The following CNGA3 variants were observed in gnomAD, a reference collection of about 807,000 sequenced individuals.
CNGA3 encodes cyclic nucleotide gated channel subunit alpha 3.
A neutral mutation model predicts 46.6 loss-of-function variants in CNGA3; 42 were observed. That is an observed-to-expected ratio of 0.90 (90% CI 0.70 to 1.17). The LOEUF (loss-of-function observed/expected upper bound fraction) is 1.17. Among genes scored for constraint, CNGA3 ranks in the 50% most tolerant of loss-of-function variants. CNGA3 has a pLI of 0.00. For synonymous variants in CNGA3, 394 were observed against 369.4 expected, an observed-to-expected ratio of 1.07 and a Z score of -0.76; for missense variants, 893 against 890.7, an observed-to-expected ratio of 1.00 and a Z score of -0.03.
chr2:98,387,727 C>A (rs923191281), intron 5 of CNGA3, among the ~76,000 whole-genome samples: 4 of 152,190 alleles, frequency 2.6e-5, no homozygotes, highest in African/African-American at 9.7e-5. Context: ...CCACTACATG[C>A]GTCACAGACC....
At chr2:98,348,184 C>A (rs1691687399) in intron 1 of CNGA3, among the ~76,000 whole-genome samples, 1 of 152,196 alleles carries the variant, frequency 6.6e-6, no homozygotes, top group African/African-American at 2.4e-5. Flanking sequence ...TCCTCTTCAG[C>A]CTCGGTTCAG....
intron 3 of CNGA3, chr2:98,379,927 T>A: frequency 1.7e-6 from 1 of 578,812 alleles, no homozygotes; most frequent in South Asian, 2.0e-5. Flanking sequence ...AGAGTGTCCC[T>A]TTCCGGGGAA....
chr2:98,385,211 T>C lies in CNGA3; in HGVS notation c.449+1770T>C, dbSNP rs189359026. 6.8e-4 allele frequency among the ~76,000 whole-genome samples: 103 copies of C among 152,238 alleles called. No homozygotes were observed. The Middle Eastern group carries it at 0.017, about 25-fold the overall frequency. ...TGCACAAGGCAAGCTGAGTCCGGCGTAAACTGCAGGGCAAAGCTCACCCAA... is the reference window on the plus strand; with the variant it reads ...TGCACAAGGCAAGCTGAGTCCGGCGCAAACTGCAGGGCAAAGCTCACCCAA... On this transcript the variant is annotated intron_variant, in intron 5 of 7. Transcript: ENST00000272602.
chr2:98,363,463 A>G lies in CNGA3; in HGVS notation c.-37-6476A>G, dbSNP rs892693735. ...TAGCTCTTTGCTTGTCTGTTGATGT[A>G]TAGGAATGCTTGTGACTTTTGTATC... On this transcript the variant is annotated intron_variant, in intron 1 of 7. Coordinates refer to ENST00000272602, the MANE Select transcript of CNGA3 (RefSeq NM_001298.3). 1.1e-4 allele frequency among the ~76,000 whole-genome samples: 16 copies of G among 152,270 alleles called. No homozygotes were observed. In the East Asian group the frequency reaches 2.3e-3, roughly 22 times the overall value.
At chr2:98,369,434 G>A (rs187316553) in intron 1 of CNGA3, among the ~76,000 whole-genome samples, 1,637 of 152,138 alleles carry the variant, frequency 0.011, 14 homozygotes, top group African/African-American at 0.03. Flanking sequence ...GAGATGAATC[G>A]TGTATTGGGT....
Position 98,370,055 on chromosome 2 carries a change from G to C in CNGA3, c.80G>C (p.Arg27Pro). 1 of 1,613,674 alleles carries C rather than the reference G, an allele frequency of 6.2e-7. No homozygotes were observed. The highest frequency in any genetic ancestry group is 8.5e-7 in the Non-Finnish European group (1 of 1,179,820). ...AAGACCTCAGACCGAGATCTCAATC[G>C]CGCTGAAAATGGCCTCAGCAGGTAA... The part of the protein sequence containing the change: ...KVKTSDRDLN[R>P]AENGLSRAHS... Residue 27 changes from arginine to proline, a missense_variant, in exon 2 of 8, where the codon CGC becomes CCC. Transcript: ENST00000272602.
At chr2:98,395,244 A>G (rs1034570587) in intron 7 of CNGA3, among the ~76,000 whole-genome samples, 9 of 151,556 alleles carry the variant, frequency 5.9e-5, no homozygotes, top group African/African-American at 1.2e-4. Flanking sequence ...ATCTTGGCTC[A>G]TTGCACCCTC....
At chr2:98,361,673 A>G (rs191613367) in intron 1 of CNGA3, among the ~76,000 whole-genome samples, 1 of 149,618 alleles carries the variant, frequency 6.7e-6, no homozygotes, top group East Asian at 2.0e-4. Flanking sequence ...CTGTTTCTCC[A>G]CAGCCCCACA....
intron 3 of CNGA3, 91 bp downstream of exon 3, chr2:98,377,891 G>T (rs1692445008): frequency 7.5e-7 from 1 of 1,337,002 alleles, no homozygotes; most frequent in South Asian, 1.4e-5. Flanking sequence ...GCTAGATGGG[G>T]GTGGAGTTGA....
chr2:98,389,679 T>C lies in CNGA3; in HGVS notation c.471T>C (p.Asp157=). The change falls in exon 6 of 8, where the codon GAT becomes GAC. Residue 157 remains aspartate, a synonymous_variant. Coordinates refer to ENST00000272602, the MANE Select transcript of CNGA3 (RefSeq NM_001298.3). ...CCAGGAAGAAGACGAAAAAGAAGGA[T>C]GCGATCGTGGTGGACCCGTCCAGCA... ...TEEEKKTKKK[D]AIVVDPSSNL... 5.0e-6 allele frequency: 8 copies of C among 1,613,936 alleles called. No homozygotes were observed. The highest frequency in any genetic ancestry group is 1.7e-5 in the Admixed American group (1 of 60,024).
intron 3 of CNGA3, chr2:98,378,237 A>G: frequency 1.3e-6 from 2 of 1,540,384 alleles, no homozygotes; most frequent in Non-Finnish European, 1.7e-6. Flanking sequence ...GTGTCCTTGC[A>G]AAAGCATTTG....
intron 1 of CNGA3, among the ~76,000 whole-genome samples, chr2:98,365,231 T>A (rs1692120984): frequency 6.6e-6 from 1 of 152,112 alleles, no homozygotes; most frequent in Admixed American, 6.6e-5. Context: ...CACTTGAAGT[T>A]AGGAGTTTGA....
chr2:98,393,218 A>C (rs1202302430), intron 7 of CNGA3, among the ~76,000 whole-genome samples: 2 of 152,152 alleles, frequency 1.3e-5, no homozygotes, highest in African/African-American at 4.8e-5. Context: ...TTTACAGAGC[A>C]AGACCTTGTC....
chr2:98,361,997 G>A (rs920707931), intron 1 of CNGA3, among the ~76,000 whole-genome samples: 7 of 150,030 alleles, frequency 4.7e-5, no homozygotes, highest in Non-Finnish European at 7.4e-5. Flanking sequence ...GTGAGCCACC[G>A]CGCCCGGCCT....
At chr2:98,372,085 C>T (rs73961411) in intron 2 of CNGA3, among the ~76,000 whole-genome samples, 5 of 152,204 alleles carry the variant, frequency 3.3e-5, no homozygotes, top group Non-Finnish European at 7.4e-5. Flanking sequence ...CGGCTCCTTC[C>T]GGTGAGATAC....
In CNGA3 at chr2:98,395,978, T is replaced by C. The variant is rs768321000; in HGVS notation, c.808T>C (p.Tyr270His). 7 of 1,614,106 alleles carry C rather than the reference T, an allele frequency of 4.3e-6. No individual in the cohort carries two copies. Among genetic ancestry groups the C allele is most frequent in the Admixed American group, 1.7e-5 (1 of 60,002 alleles). The change falls in exon 8 of 8, where the codon TAC becomes CAC. Residue 270 changes from tyrosine (Y) to histidine (H), a missense_variant. By Grantham distance (83) the Tyr-to-His change is moderately conservative (BLOSUM62 2). Around this residue, in one of 3 missense-constraint regions of CNGA3, gnomAD observed 548 missense variants for 570.8 expected, o/e 0.96. Transcript: ENST00000272602. Reference protein sequence around the residue: ...DLAYLKVGTNYPEVRFNRLLK... With the variant: ...DLAYLKVGTNHPEVRFNRLLK... ...GGCTTACTTAAAGGTGGGCACAAAC[T>C]ACCCAGAAGTGAGGTTCAACCGCCT...
intron 2 of CNGA3, chr2:98,377,466 G>A: frequency 5.4e-6 from 3 of 554,148 alleles, no homozygotes; most frequent in Non-Finnish European, 6.6e-6. Flanking sequence ...CCTAGCCCTG[G>A]ACAGTAGCTA....
chr2:98,397,105 A>G lies in CNGA3; in HGVS notation c.1935A>G (p.Ala645=), dbSNP rs777354431. ...SSLDTLQTRF[A]RLLAEYNATQ... ...TGGACACCCTGCAGACCAGGTTTGC[A>G]CGCCTCCTGGCTGAGTACAACGCCA... Residue 645 remains alanine, a synonymous_variant, in exon 8 of 8, where the codon GCA becomes GCG. Coordinates refer to ENST00000272602, the MANE Select transcript of CNGA3 (RefSeq NM_001298.3). 3.1e-6 allele frequency: 5 copies of G among 1,614,196 alleles called. No individual in the cohort carries two copies. Among genetic ancestry groups the G allele is most frequent in the Non-Finnish European group, 4.2e-6 (5 of 1,180,026 alleles).
At chr2:98,382,023 C>T (rs1388420665) in intron 4 of CNGA3, among the ~76,000 whole-genome samples, 1 of 152,146 alleles carries the variant, frequency 6.6e-6, no homozygotes, top group Non-Finnish European at 1.5e-5. Context: ...ATGTTAGACT[C>T]TCTGTCCATT....
Sources: gnomAD v4.1 joint callset for allele counts (sites outside exome capture counted in the v4.1 genomes callset) on GRCh38, gnomAD v4.1.1 for gene constraint, gnomAD v4.1.1 regional missense constraint, MANE v1.5 for transcripts, NCBI Gene and HGNC (gene_info 2026-07-23, HGNC 2026-07-21) for gene names.